The following CSMD1 variants were observed in gnomAD, a reference collection of about 807,000 sequenced individuals.
CSMD1 encodes CUB and sushi domain-containing protein 1.
A neutral mutation model predicts 417.5 loss-of-function variants in CSMD1; 213 were observed. The ratio of observed to expected loss-of-function variants is 0.51; its 90% CI spans 0.46 to 0.57. CSMD1 has a LOEUF of 0.57. CSMD1 is among the 20% of genes least tolerant of loss of function. The pLI is 0.00. For missense variants in CSMD1, 6,923 were observed against 4,529.7 expected (o/e 1.53, Z -15.17); for synonymous variants, 2,862 against 1,736.8 (o/e 1.65, Z -16.11).
chr8:4,415,113 T>C (rs922350831), intron 3 of CSMD1, among the ~76,000 whole-genome samples: 1 of 152,132 alleles, frequency 6.6e-6, no homozygotes, highest in Non-Finnish European at 1.5e-5. Flanking sequence ...ATTGCAAGGA[T>C]GAAATAACGT....
chr8:3,434,564 A>T (rs1303750204), intron 12 of CSMD1, among the ~76,000 whole-genome samples: 2 of 152,210 alleles, frequency 1.3e-5, no homozygotes, highest in African/African-American at 4.8e-5. Flanking sequence ...CTAAATAGTG[A>T]ACATAATTTA....
intron 3 of CSMD1, among the ~76,000 whole-genome samples, chr8:4,120,489 G>C (rs536123567): frequency 6.6e-6 from 1 of 152,110 alleles, no homozygotes; most frequent in African/African-American, 2.4e-5. Context: ...GCTAGAAGAA[G>C]AACCAGGAGA....
chr8:3,868,398 G>A (rs1251561922), intron 5 of CSMD1, among the ~76,000 whole-genome samples: 2 of 152,070 alleles, frequency 1.3e-5, no homozygotes, highest in African/African-American at 4.8e-5. Flanking sequence ...TCCCTGCTGT[G>A]CAGATGGTCC....
In CSMD1 at chr8:4,671,017, G is replaced by A. The variant is rs867865263; in HGVS notation, c.86-33459C>T. Among the ~76,000 whole-genome samples, 6 of 152,148 alleles carry A rather than the reference G, an allele frequency of 3.9e-5. No homozygotes were observed. In the South Asian group the frequency reaches 1.2e-3, roughly 32 times the overall value. On this transcript the variant is annotated intron_variant, in intron 1 of 69. Coordinates refer to ENST00000635120, the MANE Select transcript of CSMD1 (RefSeq NM_033225.6). ...AAGCTCCTTAAGCTTGCCTACATTG[G>A]CTGCTGTTTTATCCACTAATAATTC...
chr8:4,842,197 G>A (rs774833462), intron 1 of CSMD1, among the ~76,000 whole-genome samples: 9 of 152,180 alleles, frequency 5.9e-5, no homozygotes, highest in Non-Finnish European at 1.2e-4. Flanking sequence ...AATTGTAGCT[G>A]TAAACAGGTG....
Position 3,275,881 on chromosome 8 carries a change from C to A in CSMD1, c.4153+8263G>T, listed in dbSNP as rs189429596. On this transcript the variant is annotated intron_variant, in intron 26 of 69. Coordinates refer to ENST00000635120, the MANE Select transcript of CSMD1 (RefSeq NM_033225.6). ...TCTTTGCCTTTGGTTTGAATGTCCTCCTGTAGCTCAGAGTAATTTGATTGT... is the reference window on the plus strand; with the variant it reads ...TCTTTGCCTTTGGTTTGAATGTCCTACTGTAGCTCAGAGTAATTTGATTGT... Among the ~76,000 whole-genome samples, 906 of 152,212 alleles carry A rather than the reference C, an allele frequency of 6.0e-3. 8 individuals carry two copies. Among genetic ancestry groups the A allele is most frequent in the African/African-American group, 0.021 (854 of 41,540 alleles).
chr8:2,996,846 A>C (rs1433348300), intron 54 of CSMD1, among the ~76,000 whole-genome samples: 2 of 152,250 alleles, frequency 1.3e-5, no homozygotes, highest in African/African-American at 4.8e-5. Context: ...ACAATGAAAG[A>C]AGAAGAAAAG....
At chr8:3,565,679 T>A (rs1274975923) in intron 10 of CSMD1, among the ~76,000 whole-genome samples, 1 of 152,218 alleles carries the variant, frequency 6.6e-6, no homozygotes, top group Non-Finnish European at 1.5e-5. Context: ...CTGATAAACA[T>A]ATCAGGATTT....
intron 3 of CSMD1, among the ~76,000 whole-genome samples, chr8:4,197,673 G>A (rs1799418106): frequency 6.6e-6 from 1 of 152,180 alleles, no homozygotes; most frequent in Non-Finnish European, 1.5e-5. Context: ...GAGGCCAGGA[G>A]TTTGAGGCCA....
intron 49 of CSMD1, among the ~76,000 whole-genome samples, chr8:3,054,948 T>TA (rs1314333165): frequency 2.0e-5 from 3 of 152,226 alleles, no homozygotes; most frequent in African/African-American, 7.2e-5. Context: ...TTCTTTTCTG[T>TA]ATCTCACAAT....
rs116072806 is a variant in CSMD1, at chr8:4,918,571, G to A, written c.85+75761C>T. Among the ~76,000 whole-genome samples, 7 of 152,248 alleles carry A rather than the reference G, an allele frequency of 4.6e-5. No individual in the cohort carries two copies. In the South Asian group the frequency reaches 8.3e-4, roughly 18 times the overall value. On this transcript the variant is annotated intron_variant, in intron 1 of 69. Coordinates refer to ENST00000635120, the MANE Select transcript of CSMD1 (RefSeq NM_033225.6). ...AATTTCCAATGTCTAGACAAGCACT[G>A]CGAGTTGTGCTTTAAAAAGACACAA...
chr8:3,646,899 T>G (rs1291454131), intron 7 of CSMD1, among the ~76,000 whole-genome samples: 1 of 152,072 alleles, frequency 6.6e-6, no homozygotes, highest in Non-Finnish European at 1.5e-5. Flanking sequence ...TTTTGATGAG[T>G]AGGCTTAGGT....
At chr8:3,173,822 C>A (rs531199806) in intron 37 of CSMD1, among the ~76,000 whole-genome samples, 1 of 152,206 alleles carries the variant, frequency 6.6e-6, no homozygotes, top group African/African-American at 2.4e-5. Context: ...TATTAAAGTG[C>A]CATTAAAGCA....
chr8:4,696,881 C>A (rs764644560), intron 1 of CSMD1, among the ~76,000 whole-genome samples: 18 of 152,120 alleles, frequency 1.2e-4, no homozygotes, highest in Non-Finnish European at 2.5e-4. Context: ...ACTATGAATT[C>A]AAAAAATCAG....
intron 3 of CSMD1, among the ~76,000 whole-genome samples, chr8:4,335,355 A>G: frequency 6.6e-6 from 1 of 152,082 alleles, no homozygotes; most frequent in East Asian, 1.9e-4. Context: ...CAAACATTCA[A>G]TCTATAGGAA....
chr8:4,011,757 G>A (rs1816555772), intron 4 of CSMD1, among the ~76,000 whole-genome samples: 1 of 151,966 alleles, frequency 6.6e-6, no homozygotes, highest in Non-Finnish European at 1.5e-5. Flanking sequence ...TTCTCCCAGT[G>A]GTTACATCTT....
intron 1 of CSMD1, among the ~76,000 whole-genome samples, chr8:4,723,110 C>A (rs1019280045): frequency 1.3e-5 from 2 of 152,128 alleles, no homozygotes; most frequent in African/African-American, 2.4e-5. Context: ...ATATATCTGA[C>A]TTGTACACCT....
chr8:3,761,260 C>A (rs899128198), intron 5 of CSMD1, among the ~76,000 whole-genome samples: 2 of 152,054 alleles, frequency 1.3e-5, no homozygotes, highest in Non-Finnish European at 2.9e-5. Flanking sequence ...TGTGTATACA[C>A]ACATAAAATA....
intron 2 of CSMD1, among the ~76,000 whole-genome samples, chr8:4,609,938 C>T (rs1251302270): frequency 6.6e-6 from 1 of 151,962 alleles, no homozygotes. Flanking sequence ...GTAAGTATTC[C>T]TATGCTGGCT....
Sources: allele counts gnomAD v4.1 joint callset (sites outside exome capture counted in the v4.1 genomes callset), GRCh38; gene constraint gnomAD v4.1.1; transcripts MANE v1.5; gene names NCBI Gene and HGNC (gene_info 2026-07-23, HGNC 2026-07-21).